Variants in ARHGAP26 observed in about 807,000 individuals in gnomAD.
ARHGAP26 encodes the protein rho GTPase-activating protein 26.
A neutral mutation model predicts 104.8 loss-of-function variants in ARHGAP26; 38 were observed. The observed-to-expected ratio is 0.36, with a 90% CI of 0.28 to 0.48. The LOEUF (loss-of-function observed/expected upper bound fraction) is 0.48, where lower values mean the gene tolerates loss of function less well. Ranked by LOEUF, ARHGAP26 falls within the 20% of genes least tolerant of loss-of-function variation. The pLI is 0.99. For synonymous variants in ARHGAP26, 341 were observed against 340.0 expected (o/e 1.00, Z -0.03); for missense variants, 704 against 947.9 (o/e 0.74, Z 3.38).
intron 20 of ARHGAP26, among the ~76,000 whole-genome samples, chr5:143,150,131 G>T (rs1799639608): frequency 6.6e-6 from 1 of 152,136 alleles, no homozygotes; most frequent in South Asian, 2.1e-4. Flanking sequence ...TAAATCTTTG[G>T]CAGGTCCTCA....
rs572560370 is a variant in ARHGAP26, at chr5:142,962,654, GCTAT to G, written c.1107+30534_1107+30537del. On this transcript the variant is annotated intron_variant, in intron 11 of 22. Coordinates refer to ENST00000645722, the MANE Select transcript of ARHGAP26 (RefSeq NM_001135608.3). ...TTTGTTTTAAATGTCTGGTTGATAA[GCTAT>G]CTATGTACAAAGCTTTGCTTCTACT... Among the ~76,000 whole-genome samples the G allele has an allele frequency of 1.8e-4, 27 of 152,164 alleles. No individual in the cohort carries two copies. In the South Asian group the frequency reaches 4.8e-3, roughly 27 times the overall value.
At chr5:143,007,631 G>A (rs889821508) in intron 11 of ARHGAP26, among the ~76,000 whole-genome samples, 8 of 152,176 alleles carry the variant, frequency 5.3e-5, no homozygotes, top group African/African-American at 1.9e-4. Context: ...TCGAATCCTG[G>A]CTCTGTAATT....
intron 1 of ARHGAP26, among the ~76,000 whole-genome samples, chr5:142,863,498 C>T (rs1218091837): frequency 6.6e-6 from 1 of 152,212 alleles, no homozygotes; most frequent in Non-Finnish European, 1.5e-5. Context: ...CACGCCATTT[C>T]TGGTTCTTTT....
intron 20 of ARHGAP26, among the ~76,000 whole-genome samples, chr5:143,160,097 T>A: frequency 6.6e-6 from 1 of 150,752 alleles, no homozygotes; most frequent in East Asian, 1.9e-4. Context: ...TCTCGCTCTG[T>A]CACCCAGGCT....
At chr5:143,003,785 T>C (rs1777523819) in intron 11 of ARHGAP26, among the ~76,000 whole-genome samples, 1 of 150,058 alleles carries the variant, frequency 6.7e-6, no homozygotes. Flanking sequence ...ATAAGTATTA[T>C]TACTTAGCTC....
chr5:142,877,050 G>A (rs190905845), intron 3 of ARHGAP26, among the ~76,000 whole-genome samples: 11 of 152,116 alleles, frequency 7.2e-5, no homozygotes, highest in African/African-American at 2.6e-4. Flanking sequence ...TGGGGGTGGG[G>A]GTGTGGCAAG....
At chr5:142,951,140 A>G (rs781402880) in intron 11 of ARHGAP26, among the ~76,000 whole-genome samples, 12 of 151,244 alleles carry the variant, frequency 7.9e-5, no homozygotes, top group Admixed American at 1.3e-4. Context: ...GCTCACTGCA[A>G]CCTCCACCTC....
chr5:143,149,440 T>C (rs767435600), intron 20 of ARHGAP26, among the ~76,000 whole-genome samples: 1 of 152,040 alleles, frequency 6.6e-6, no homozygotes, highest in Admixed American at 6.6e-5. Flanking sequence ...CCCCATAAGC[T>C]CTGCAGGCAG....
intron 4 of ARHGAP26, among the ~76,000 whole-genome samples, chr5:142,882,277 T>G (rs560171000): frequency 6.6e-6 from 1 of 152,210 alleles, no homozygotes; most frequent in Admixed American, 6.5e-5. Context: ...AGAGTTATTA[T>G]GAAGAAGAAG....
chr5:142,951,040 T>C (rs1025202405), intron 11 of ARHGAP26, among the ~76,000 whole-genome samples: 14 of 55,558 alleles, frequency 2.5e-4, no homozygotes, highest in Middle Eastern at 0.01. Flanking sequence ...CCTTTCCCTT[T>C]CCCTTCCCCT....
chr5:142,949,212 AGAGAGAGAGGAGAGAGAGAG>A (rs1767842647), intron 11 of ARHGAP26, among the ~76,000 whole-genome samples: 2 of 64,482 alleles, frequency 3.1e-5, no homozygotes, highest in African/African-American at 1.3e-4. Context: ...AGAGAGAGAG[AGAGAGAGAGGAGAGAGAGAG>A]GAGAGAGAGA....
In ARHGAP26 at chr5:142,846,873, G is replaced by T. The variant is rs377724690; in HGVS notation, c.155-26527G>T. Reference sequence around the variant, plus strand: ...TGTATGTGAATAACTCTCCCTTAAAGGAGGATACCATGGGGGGACAGTGAG... The same window carrying T: ...TGTATGTGAATAACTCTCCCTTAAATGAGGATACCATGGGGGGACAGTGAG... On this transcript the variant is annotated intron_variant, in intron 1 of 22. Transcript: ENST00000645722. Among the ~76,000 whole-genome samples the T allele has an allele frequency of 5.7e-4, 87 of 152,272 alleles. 2 individuals carry two copies. The South Asian group carries it at 0.017, about 31-fold the overall frequency.
chr5:143,120,385 A>G (rs575960681), intron 17 of ARHGAP26, among the ~76,000 whole-genome samples: 8 of 152,358 alleles, frequency 5.3e-5, no homozygotes, highest in African/African-American at 7.2e-5. Context: ...AGATGAATAT[A>G]CACTAGTGCA....
chr5:142,813,953 G>T (rs903867960), intron 1 of ARHGAP26, among the ~76,000 whole-genome samples: 9 of 152,244 alleles, frequency 5.9e-5, no homozygotes, highest in Non-Finnish European at 1.3e-4. Flanking sequence ...GACAAGGTCA[G>T]CCAGCTTTAG....
At chr5:142,966,706 C>G (rs913097531) in intron 11 of ARHGAP26, among the ~76,000 whole-genome samples, 4 of 152,176 alleles carry the variant, frequency 2.6e-5, no homozygotes, top group Non-Finnish European at 5.9e-5. Context: ...GAAAATCGTT[C>G]ATTAATGAGT....
chr5:142,931,517 T>G (rs556673159), intron 10 of ARHGAP26, among the ~76,000 whole-genome samples: 2 of 152,316 alleles, frequency 1.3e-5, no homozygotes, highest in South Asian at 2.1e-4. Flanking sequence ...CTGTGCACAT[T>G]TAATCATAAC....
intron 17 of ARHGAP26, among the ~76,000 whole-genome samples, chr5:143,069,279 G>C (rs1787930197): frequency 6.6e-6 from 1 of 151,964 alleles, no homozygotes. Flanking sequence ...AGCTCCACGA[G>C]GTTGGCAATT....
chr5:143,084,408 G>A (rs1790249221), intron 17 of ARHGAP26, among the ~76,000 whole-genome samples: 1 of 152,212 alleles, frequency 6.6e-6, no homozygotes, highest in African/African-American at 2.4e-5. Flanking sequence ...GCATGGAAAA[G>A]CTGCTCACCC....
intron 9 of ARHGAP26, among the ~76,000 whole-genome samples, chr5:142,911,048 T>C (rs1761759115): frequency 6.6e-6 from 1 of 152,218 alleles, no homozygotes; most frequent in Non-Finnish European, 1.5e-5. Flanking sequence ...AAGTACCCAC[T>C]GTTCTCATAG....
Sources: gnomAD v4.1 joint callset for allele counts (sites outside exome capture counted in the v4.1 genomes callset) on GRCh38, gnomAD v4.1.1 for gene constraint, MANE v1.5 for transcripts, NCBI Gene and HGNC (gene_info 2026-07-23, HGNC 2026-07-21) for gene names.